Variants in VPS37A observed in about 807,000 individuals in gnomAD.
VPS37A encodes the protein vacuolar protein sorting-associated protein 37A.
In VPS37A, 30 loss-of-function variants were observed where a neutral mutation model predicts 49.8. The observed-to-expected ratio is 0.60, with a 90% CI of 0.45 to 0.82. VPS37A has a LOEUF of 0.82. VPS37A is among the 40% of genes least tolerant of loss of function. The probability of loss-of-function intolerance (pLI) is 0.00; values close to 1 mark genes in which losing one functional copy is unlikely to be tolerated. For missense variants in VPS37A, 593 were observed against 464.4 expected (o/e 1.28, Z -2.55); for synonymous variants, 195 against 160.6 (o/e 1.21, Z -1.62).
At chr8:17,256,003 G>A (rs1219109477) in intron 1 of VPS37A, among the ~76,000 whole-genome samples, 1 of 152,110 alleles carries the variant, frequency 6.6e-6, no homozygotes, top group African/African-American at 2.4e-5. Context: ...AAACGTGGGA[G>A]TGCAGCTATC....
At chr8:17,290,440 T>C (rs965525522) in intron 11 of VPS37A, among the ~76,000 whole-genome samples, 3 of 152,218 alleles carry the variant, frequency 2.0e-5, no homozygotes, top group African/African-American at 7.2e-5. Flanking sequence ...GAGATAATTG[T>C]GGTTTTTGTC....
chr8:17,285,588 CAT>C (rs1815514677), intron 10 of VPS37A, among the ~76,000 whole-genome samples: 3 of 152,178 alleles, frequency 2.0e-5, no homozygotes, highest in African/African-American at 7.2e-5. Flanking sequence ...TACACACACA[CAT>C]ACACACACTC....
Position 17,273,819 on chromosome 8 carries a change from T to C in VPS37A, c.417-914T>C, listed in dbSNP as rs1344386712. 2.0e-5 allele frequency among the ~76,000 whole-genome samples: 3 copies of C among 152,236 alleles called. No homozygotes were observed. The East Asian group carries it at 5.8e-4, about 29-fold the overall frequency. On this transcript the variant is annotated intron_variant, in intron 4 of 11. Coordinates refer to ENST00000324849, the MANE Select transcript of VPS37A (RefSeq NM_152415.3). Reference sequence around the variant, plus strand: ...TTCCCACAAAATTTCCAACTCAGGTTATGTCATTAAATGAAATAATAGTAC... The same window carrying C: ...TTCCCACAAAATTTCCAACTCAGGTCATGTCATTAAATGAAATAATAGTAC...
the VPS37A span, among the ~76,000 whole-genome samples, chr8:17,324,010 T>C: frequency 6.6e-6 from 1 of 152,198 alleles, no homozygotes; most frequent in Non-Finnish European, 1.5e-5. Flanking sequence ...TATTCTCTCA[T>C]TAAATAACCT....
chr8:17,309,261 C>A, the VPS37A span: 1 of 1,476,426 alleles, frequency 6.8e-7, no homozygotes, highest in Admixed American at 1.8e-5. Flanking sequence ...TCAAAACAGT[C>A]TTAAATATTA....
rs114674066 is a variant in VPS37A, at chr8:17,281,080, A to G, written c.969+637A>G. On this transcript the variant is annotated intron_variant, in intron 9 of 11. Transcript: ENST00000324849. ...AGACATAAACCAACAACAGCAAAAAAGATGGTAAAGGAGAATATAAATTTA... is the reference window on the plus strand; with the variant it reads ...AGACATAAACCAACAACAGCAAAAAGGATGGTAAAGGAGAATATAAATTTA... Among the ~76,000 whole-genome samples the G allele has an allele frequency of 1.5e-3, 226 of 152,122 alleles. 1 individual carries two copies. The highest frequency in any genetic ancestry group is 5.1e-3 in the African/African-American group (212 of 41,564).
At chr8:17,265,060 A>T (rs2150370108) in intron 1 of VPS37A, among the ~76,000 whole-genome samples, 1 of 152,296 alleles carries the variant, frequency 6.6e-6, no homozygotes, top group South Asian at 2.1e-4. Context: ...ACATAAAGCA[A>T]ATTCAGAGTT....
the VPS37A span, among the ~76,000 whole-genome samples, chr8:17,320,728 G>A: frequency 0.34 from 51,480 of 151,956 alleles, 10,403 homozygotes; most frequent in East Asian, 0.75. Flanking sequence ...ACAGTGCCCA[G>A]CAATACCAGA....
the VPS37A span, chr8:17,311,853 A>G: frequency 1.6e-6 from 1 of 618,376 alleles, no homozygotes; most frequent in Non-Finnish European, 2.8e-6. Flanking sequence ...TCCAGAAGCC[A>G]CCACTCAAGT....
chr8:17,293,228 C>G (rs1483388879), intron 11 of VPS37A, among the ~76,000 whole-genome samples: 1 of 151,544 alleles, frequency 6.6e-6, no homozygotes, highest in African/African-American at 2.4e-5. Context: ...ATCCTTTCTT[C>G]TGCTTGATCG....
chr8:17,280,264 C>G lies in VPS37A; in HGVS notation c.867C>G (p.Ser289Arg). 1 of 1,612,676 alleles carries G rather than the reference C, an allele frequency of 6.2e-7. No homozygotes were observed. The highest frequency in any genetic ancestry group is 8.5e-7 in the Non-Finnish European group (1 of 1,179,290). The part of the protein sequence containing the change: ...LARKNLLLEP[S>R]LEAKRQTVLD... ...GAAAAAATCTCCTTTTGGAGCCCAGCTTGGAAGCCAAAAGACAAACTGTTT... is the reference window on the plus strand; with the variant it reads ...GAAAAAATCTCCTTTTGGAGCCCAGGTTGGAAGCCAAAAGACAAACTGTTT... The change falls in exon 8 of 12, where the codon AGC (serine) becomes AGG (arginine). Residue 289 changes from serine to arginine, a missense_variant. By Grantham distance (110) the Ser-to-Arg change is moderately radical. Coordinates refer to ENST00000324849, the MANE Select transcript of VPS37A (RefSeq NM_152415.3).
the VPS37A span, among the ~76,000 whole-genome samples, chr8:17,332,585 G>C: frequency 1.3e-5 from 2 of 152,188 alleles, no homozygotes; most frequent in East Asian, 1.9e-4. Flanking sequence ...TAAGTGAAAA[G>C]TGCATGGCAA....
intron 1 of VPS37A, among the ~76,000 whole-genome samples, chr8:17,254,163 C>T (rs767903834): frequency 6.6e-6 from 1 of 151,958 alleles, no homozygotes; most frequent in African/African-American, 2.4e-5. Flanking sequence ...TTGAGCTTCC[C>T]TGTTGACTTG....
At position 17,276,962 on chromosome 8, in the gene VPS37A, C is replaced by G. The variant is rs1305611586; in HGVS notation, c.713+495C>G. Among the ~76,000 whole-genome samples, 3 of 151,998 alleles carry G rather than the reference C, an allele frequency of 2.0e-5. No homozygotes were observed. The East Asian group carries it at 5.8e-4, about 29-fold the overall frequency. ...CCATTTTTCATGGAACTTTGCTTCT[C>G]TAAAATGTTTCATGAAGAAAATGGT... is the stretch of plus-strand genomic sequence containing the variant. On this transcript the variant is annotated intron_variant, in intron 6 of 11. Coordinates refer to ENST00000324849, the MANE Select transcript of VPS37A (RefSeq NM_152415.3).
the VPS37A span, among the ~76,000 whole-genome samples, chr8:17,319,444 A>C: frequency 6.6e-6 from 1 of 152,206 alleles, no homozygotes; most frequent in African/African-American, 2.4e-5. Flanking sequence ...AGCTCCGAAA[A>C]GTTAAGGCAC....
intron 4 of VPS37A, among the ~76,000 whole-genome samples, chr8:17,269,814 A>T (rs1660594991): frequency 6.6e-6 from 1 of 152,158 alleles, no homozygotes; most frequent in South Asian, 2.1e-4. Flanking sequence ...TTCCTGAATA[A>T]AGTCATGTTC....
Position 17,280,174 on chromosome 8 carries a change from G to T in VPS37A, c.841+19G>T, listed in dbSNP as rs373717624. On this transcript the variant is annotated intron_variant, in intron 7 of 11. Transcript: ENST00000324849. ...CTAGCAAGTATGTTTTCCCTCTCCTGAGCGCACATTTCCTGAAAAAAATCT... is the reference window on the plus strand; with the variant it reads ...CTAGCAAGTATGTTTTCCCTCTCCTTAGCGCACATTTCCTGAAAAAAATCT... 111 of 1,611,672 alleles carry T rather than the reference G, an allele frequency of 6.9e-5. No homozygotes were observed. Among genetic ancestry groups the T allele is most frequent in the Non-Finnish European group, 9.0e-5 (106 of 1,179,072 alleles).
chr8:17,333,088 C>A, the VPS37A span, among the ~76,000 whole-genome samples: 1 of 152,116 alleles, frequency 6.6e-6, no homozygotes, highest in Non-Finnish European at 1.5e-5. Flanking sequence ...CTGGCAGACA[C>A]CTCACATTTC....
intron 4 of VPS37A, chr8:17,271,997 C>G (rs754722509): frequency 1.1e-5 from 5 of 456,684 alleles, no homozygotes; most frequent in Non-Finnish European, 2.2e-5. Context: ...CTACAGCCAG[C>G]TAGAAATCAG....
Sources: allele counts gnomAD v4.1 joint callset (sites outside exome capture counted in the v4.1 genomes callset), GRCh38; gene constraint gnomAD v4.1.1; transcripts MANE v1.5; gene names NCBI Gene and HGNC (gene_info 2026-07-23, HGNC 2026-07-21).